MDM2: variants seen among roughly 807,000 people sequenced by gnomAD.
MDM2 encodes the protein E3 ubiquitin-protein ligase Mdm2.
Under a neutral mutation model 64.3 loss-of-function variants are expected in MDM2, and 11 were observed. The observed-to-expected ratio is 0.17, with a 90% CI of 0.11 to 0.28. The LOEUF is 0.28. Ranked by LOEUF, MDM2 falls within the 10% of genes least tolerant of loss-of-function variation. MDM2 has a pLI of 1.00. For synonymous variants in MDM2, 194 were observed against 192.9 expected, an observed-to-expected ratio of 1.01 and a Z score of -0.05; for missense variants, 388 against 577.1, an observed-to-expected ratio of 0.67 and a Z score of 3.36.
rs1457507571 is a variant in MDM2, at chr12:68,816,800, T to C, written c.175-12T>C. 3 of 1,566,508 alleles carry C rather than the reference T, an allele frequency of 1.9e-6. No homozygotes were observed. The highest frequency in any genetic ancestry group is 2.3e-5 in the East Asian group (1 of 43,800). ...TTTTCTTTAATGCTCAGAAATCATA[T>C]TTGTATTTCAGGTTCTTTTTTATCT... On this transcript the variant is annotated splice_polypyrimidine_tract_variant and intron_variant, in intron 3 of 10. Transcript: ENST00000258149.
rs1018299849 is a variant in MDM2 at position 68,808,473 on chromosome 12, C to T, written c.-5C>T. On this transcript the variant is annotated 5_prime_UTR_variant, in exon 1 of 11. Coordinates refer to ENST00000258149, the MANE Select transcript of MDM2 (RefSeq NM_002392.6). ...GACCCCCGACTCCAAGCGCGAAAAC[C>T]CCGGATGGTGAGGAGCAGGTACTGG... The T allele has an allele frequency of 4.3e-6, 7 of 1,613,998 alleles. No individual in the cohort carries two copies. In the East Asian group the frequency reaches 1.3e-4, roughly 31 times the overall value.
At chr12:68,810,706 C>A (rs1426569336) in intron 2 of MDM2, among the ~76,000 whole-genome samples, 1 of 152,066 alleles carries the variant, frequency 6.6e-6, no homozygotes, top group Non-Finnish European at 1.5e-5. Flanking sequence ...GGTGATCCGC[C>A]CGCCTCGGCC....
chr12:68,811,609 T>G (rs1350939832), intron 2 of MDM2, among the ~76,000 whole-genome samples: 1 of 148,632 alleles, frequency 6.7e-6, no homozygotes, highest in Non-Finnish European at 1.5e-5. Flanking sequence ...AGATTTTTTT[T>G]TTTTTTTTTT....
rs1418465222 is a variant in MDM2, at chr12:68,844,429, C to T, written c.*4580C>T. The stretch of plus-strand genomic sequence containing the variant: ...TAGGAGTAAGAAATGCTGTGTTCTC[C>T]CTGTCTTCTCTTAGGTCACATGGCA... On this transcript the variant is annotated 3_prime_UTR_variant, in exon 11 of 11. Coordinates refer to ENST00000258149, the MANE Select transcript of MDM2 (RefSeq NM_002392.6). 8.8e-6 allele frequency: 2 copies of T among 227,744 alleles called. No homozygotes were observed. The highest frequency in any genetic ancestry group is 4.4e-5 in the African/African-American group (2 of 45,028). 14.1% of individuals were successfully genotyped at this position (227,744 alleles called of 1,614,324 possible). A position where few individuals can be genotyped will look rare whatever the true frequency, so the allele number is the denominator to read the frequency against.
intron 3 of MDM2, among the ~76,000 whole-genome samples, chr12:68,813,942 A>G (rs1274033908): frequency 6.6e-6 from 1 of 152,270 alleles, no homozygotes; most frequent in Non-Finnish European, 1.5e-5. Context: ...TAGAATTACA[A>G]AGGAAACATA....
chr12:68,816,164 T>C (rs1402860792), intron 3 of MDM2, among the ~76,000 whole-genome samples: 3 of 152,116 alleles, frequency 2.0e-5, no homozygotes, highest in Non-Finnish European at 4.4e-5. Context: ...TTTTAGTTGA[T>C]TTTTGTTTCT....
Position 68,840,672 on chromosome 12 carries a change from A to ATT in MDM2, c.*827_*828dup, listed in dbSNP as rs1883690411. 6.2e-6 allele frequency: 1 copy of ATT among 162,528 alleles called. No individual in the cohort carries two copies. The highest frequency in any genetic ancestry group is 1.2e-4 in the East Asian group (1 of 8,550). The allele number at this position is 162,528 out of a possible 1,614,324, so 10.1% of individuals were successfully genotyped here. ...AGGCATGCACCACCATGCCCAGCTAATTTTTGTATTTTTAGTAGAGATAGG... is the reference window on the plus strand; with the variant it reads ...AGGCATGCACCACCATGCCCAGCTAATTTTTTTGTATTTTTAGTAGAGATAGG... On this transcript the variant is annotated 3_prime_UTR_variant, in exon 11 of 11. Transcript: ENST00000258149.
intron 3 of MDM2, chr12:68,814,584 C>T: frequency 2.6e-6 from 1 of 377,548 alleles, no homozygotes; most frequent in Non-Finnish European, 5.1e-6. Context: ...ATTAATGGAC[C>T]CCCTGAATTC....
chr12:68,813,604 A>G lies in MDM2; in HGVS notation c.150A>G (p.Gln50=). The G allele has an allele frequency of 1.2e-6, 2 of 1,613,468 alleles. No individual in the cohort carries two copies. The highest frequency in any genetic ancestry group is 1.7e-6 in the Non-Finnish European group (2 of 1,179,594). ...LLKLLKSVGA[Q]KDTYTMKEVL... Reference sequence around the variant, plus strand: ...AGTTATTAAAGTCTGTTGGTGCACAAAAAGACACTTATACTATGAAAGAGG... The same window carrying G: ...AGTTATTAAAGTCTGTTGGTGCACAGAAAGACACTTATACTATGAAAGAGG... The change falls in exon 3 of 11, where the codon CAA becomes CAG. Residue 50 remains glutamine (Q), a synonymous_variant. Coordinates refer to ENST00000258149, the MANE Select transcript of MDM2 (RefSeq NM_002392.6).
intron 1 of MDM2, 196 bp from the exon 2 acceptor site, chr12:68,809,012 C>T: frequency 6.8e-7 from 1 of 1,465,276 alleles, no homozygotes; most frequent in Non-Finnish European, 9.0e-7. Flanking sequence ...ATGCATTTTC[C>T]CAGCTGTGTT....
intron 3 of MDM2, 132 bp downstream of exon 3, chr12:68,813,760 C>T (rs1448319168): frequency 3.0e-5 from 19 of 627,322 alleles, no homozygotes; most frequent in East Asian, 2.1e-4. Context: ...ATTTTGTGGT[C>T]GTTTGGACTA....
At chr12:68,835,794 T>C (rs371325258) in intron 8 of MDM2, 35 bp from the exon 9 acceptor site, 4 of 1,591,034 alleles carry the variant, frequency 2.5e-6, no homozygotes, top group Non-Finnish European at 3.4e-6. Flanking sequence ...CAAGAGGTGA[T>C]GTTTATTAAG....
chr12:68,830,879 T>C (rs542886737), intron 8 of MDM2, among the ~76,000 whole-genome samples: 9 of 152,192 alleles, frequency 5.9e-5, no homozygotes, highest in African/African-American at 1.9e-4. Context: ...TTTTGTATTT[T>C]TAGTAGAGAT....
In MDM2 at chr12:68,808,430, A is replaced by G; in HGVS notation, c.-48A>G. ...GTGCTTCCGCGCGCCCCGTGAAGGA[A>G]ACTGGGGAGTCTTGAGGGACCCCCG... is the stretch of plus-strand genomic sequence containing the variant. On this transcript the variant is annotated 5_prime_UTR_variant, in exon 1 of 11. Transcript: ENST00000258149. 1 of 1,613,716 alleles carries G rather than the reference A, an allele frequency of 6.2e-7. No individual in the cohort carries two copies. The highest frequency in any genetic ancestry group is 8.5e-7 in the Non-Finnish European group (1 of 1,179,822).
intron 8 of MDM2, among the ~76,000 whole-genome samples, chr12:68,830,857 C>T (rs1882735492): frequency 6.6e-6 from 1 of 152,114 alleles, no homozygotes; most frequent in African/African-American, 2.4e-5. Flanking sequence ...CCCATCACCA[C>T]ACCTGGCTAA....
At chr12:68,834,021 A>G (rs754668205) in intron 8 of MDM2, among the ~76,000 whole-genome samples, 2 of 152,182 alleles carry the variant, frequency 1.3e-5, no homozygotes, top group Non-Finnish European at 2.9e-5. Flanking sequence ...ACATTACTCT[A>G]AAAAAGTCTT....
At position 68,839,476 on chromosome 12, in the gene MDM2, A is replaced by G. The variant is rs553794444; in HGVS notation, c.1121A>G (p.Asn374Ser). Residue 374 changes from asparagine (N) to serine (S), a missense_variant, in exon 11 of 11, where the codon AAT becomes AGT. Asn to Ser is a conservative substitution (Grantham distance 46). Transcript: ENST00000258149. ...DVPDCKKTIVNDSRESCVEEN... is the reference protein window; with the variant it reads ...DVPDCKKTIVSDSRESCVEEN... ...CCTGATTGTAAAAAAACTATAGTGA[A>G]TGATTCCAGAGAGTCATGTGTTGAG... 38 of 1,613,956 alleles carry G rather than the reference A, an allele frequency of 2.4e-5. No individual in the cohort carries two copies. The Admixed American group carries it at 6.3e-4, about 27-fold the overall frequency.
At chr12:68,818,249 G>A (rs1881555004) in intron 4 of MDM2, among the ~76,000 whole-genome samples, 1 of 152,026 alleles carries the variant, frequency 6.6e-6, no homozygotes, top group East Asian at 1.9e-4. Flanking sequence ...CTGAAAAGAT[G>A]ATAATTAAAT....
intron 4 of MDM2, among the ~76,000 whole-genome samples, chr12:68,817,883 C>T (rs1280776167): frequency 6.6e-6 from 1 of 152,082 alleles, no homozygotes; most frequent in African/African-American, 2.4e-5. Flanking sequence ...CTGCAACCTC[C>T]GTCTCCTGGG....
Sources: allele counts gnomAD v4.1 joint callset (sites outside exome capture counted in the v4.1 genomes callset), GRCh38; gene constraint gnomAD v4.1.1; transcripts MANE v1.5; gene names NCBI Gene and HGNC (gene_info 2026-07-23, HGNC 2026-07-21).